The following HSD3B7 variants were observed in gnomAD, a reference collection of about 807,000 sequenced individuals.
HSD3B7 encodes hydroxy-delta-5-steroid dehydrogenase, 3 beta- and steroid delta-isomerase 7, also known as 3 beta-hydroxysteroid dehydrogenase type 7.
Under a neutral mutation model 34.3 loss-of-function variants are expected in HSD3B7, and 35 were observed. The ratio of observed to expected loss-of-function variants is 1.02; its 90% CI spans 0.78 to 1.35. HSD3B7 has a LOEUF of 1.35. Ranked by LOEUF, HSD3B7 falls within the 40% of genes most tolerant of loss-of-function variation. HSD3B7 has a pLI of 0.00. For synonymous variants in HSD3B7, 217 were observed against 220.1 expected, an observed-to-expected ratio of 0.99 and a Z score of 0.13; for missense variants, 426 against 504.7, an observed-to-expected ratio of 0.84 and a Z score of 1.49.
Position 30,988,359 on chromosome 16 carries a change from G to T in HSD3B7, c.*176G>T. ...TTTTCTTTTTCTTTTTTGAGACAGG[G>T]TCTTGCTCTGTCACCCAGACTGGAG... On this transcript the variant is annotated 3_prime_UTR_variant, in exon 7 of 7. Transcript: ENST00000297679. 6.4e-6 allele frequency: 4 copies of T among 629,442 alleles called. No individual in the cohort carries two copies. Among genetic ancestry groups the T allele is most frequent in the Non-Finnish European group, 1.1e-5 (4 of 364,754 alleles). 39.0% of individuals were successfully genotyped at this position (629,442 alleles called of 1,614,324 possible).
At chr16:30,987,450 A>T in intron 6 of HSD3B7, 1 of 454,238 alleles carries the variant, frequency 2.2e-6, no homozygotes, top group Non-Finnish European at 4.1e-6. Flanking sequence ...CTGTCTCTAA[A>T]ACTTTTTTTA....
Position 30,986,935 on chromosome 16 carries a change from C to T in HSD3B7, c.627C>T (p.Gly209=). ...TCATGAGGGACTTCTACCGCCAGGG[C>T]CTGCGCCTGGGAGGTTGGCTCTTCC... ...HQIMRDFYRQ[G]LRLGGWLFRA... is the part of the protein sequence containing the mutation. Residue 209 remains glycine, a synonymous_variant, in exon 6 of 7, where the codon GGC becomes GGT. Coordinates refer to ENST00000297679, the MANE Select transcript of HSD3B7 (RefSeq NM_025193.4). The T allele has an allele frequency of 1.2e-6, 2 of 1,613,740 alleles. No homozygotes were observed. The highest frequency in any genetic ancestry group is 1.7e-6 in the Non-Finnish European group (2 of 1,179,980).
chr16:30,987,634 C>T, intron 6 of HSD3B7, 134 bp from the exon 7 acceptor site: 2 of 1,023,296 alleles, frequency 2.0e-6, no homozygotes, highest in South Asian at 1.3e-5. Flanking sequence ...GAGAAGGCAG[C>T]CTTTCCCAGG....
chr16:30,985,860 G>A, intron 2 of HSD3B7, 36 bp downstream of exon 2: 2 of 1,587,432 alleles, frequency 1.3e-6, no homozygotes, highest in African/African-American at 1.3e-5. Context: ...GAGAGGGTGT[G>A]GACGCTTCCC....
Position 30,988,175 on chromosome 16 carries a change from G to T in HSD3B7, c.1102G>T (p.Ala368Ser), listed in dbSNP as rs368619380. The T allele has an allele frequency of 1.9e-6, 3 of 1,597,016 alleles. No homozygotes were observed. Among genetic ancestry groups the T allele is most frequent in the Non-Finnish European group, 2.6e-6 (3 of 1,176,084 alleles). The stretch of plus-strand genomic sequence containing the variant: ...CTGGGTACAGGCCGCTACGGGTTCA[G>T]CCCAGTGACGGTGGGGCTGGGGCCT... ...ILWVQAATGS[A>S]Q Residue 368 changes from alanine (A) to serine (S), a missense_variant, in exon 7 of 7, where the codon GCC becomes TCC. Coordinates refer to ENST00000297679, the MANE Select transcript of HSD3B7 (RefSeq NM_025193.4).
At chr16:30,986,803 G>T (rs367851050) in intron 5 of HSD3B7, 37 bp from the exon 6 acceptor site, 2 of 1,613,740 alleles carry the variant, frequency 1.2e-6, no homozygotes, top group Non-Finnish European at 1.7e-6. Context: ...CAAGCTGTCG[G>T]GTCCCAGGTC....
Position 30,986,546 on chromosome 16 carries a change from C to T in HSD3B7, c.431+15C>T. 1 of 1,613,048 alleles carries T rather than the reference C, an allele frequency of 6.2e-7. No homozygotes were observed. Among genetic ancestry groups the T allele is most frequent in the Non-Finnish European group, 8.5e-7 (1 of 1,178,984 alleles). ...CCCTTCTACAGGTGAGTGGCAGGCC[C>T]TCTTGTCCTCTAAGAGCCCATTTCC... On this transcript the variant is annotated intron_variant, in intron 4 of 6. Transcript: ENST00000297679.
Position 30,986,473 on chromosome 16 carries a change from G to A in HSD3B7, c.373G>A (p.Val125Ile). Residue 125 changes from valine (V) to isoleucine (I), a missense_variant, in exon 4 of 7, where the codon GTC becomes ATC. Transcript: ENST00000297679. Reference sequence around the variant, plus strand: ...TGTGCAGACCGGAACACGGTTCCTGGTCTACACCAGCAGCATGGAAGTTGT... The same window carrying A: ...TGTGCAGACCGGAACACGGTTCCTGATCTACACCAGCAGCATGGAAGTTGT... The part of the protein sequence containing the change: ...ACVQTGTRFL[V>I]YTSSMEVVGP... 1 of 1,614,118 alleles carries A rather than the reference G, an allele frequency of 6.2e-7. No individual in the cohort carries two copies. Among genetic ancestry groups the A allele is most frequent in the East Asian group, 2.2e-5 (1 of 44,884 alleles).
At chr16:30,987,733 C>T in intron 6 of HSD3B7, 35 bp from the exon 7 acceptor site, 2 of 1,605,174 alleles carry the variant, frequency 1.2e-6, no homozygotes, top group South Asian at 1.1e-5. Flanking sequence ...CAAGGGCACT[C>T]AGGGGTGTGT....
chr16:30,986,844 G>GT lies in HSD3B7; in HGVS notation c.537dup (p.Gly180TrpfsTer18). The GT allele has an allele frequency of 1.2e-6, 2 of 1,614,010 alleles. No homozygotes were observed. Among genetic ancestry groups the GT allele is most frequent in the Non-Finnish European group, 1.7e-6 (2 of 1,180,044 alleles). On this transcript the variant is annotated frameshift_variant, in exon 6 of 7. Transcript: ENST00000297679. LOFTEE classifies it high-confidence loss of function. ...AGTACCTGCCTTTGCCACCAGGTCCGTGGGGGGCTGCCCCTGGTGACGTGT... is the reference window on the plus strand; with the variant it reads ...AGTACCTGCCTTTGCCACCAGGTCCGTTGGGGGGCTGCCCCTGGTGACGTGT...
Position 30,986,664 on chromosome 16 carries a change from C to G in HSD3B7, c.491C>G (p.Ala164Gly). 6.2e-7 allele frequency: 1 copy of G among 1,614,206 alleles called. No homozygotes were observed. Among genetic ancestry groups the G allele is most frequent in the Non-Finnish European group, 8.5e-7 (1 of 1,180,038 alleles). Residue 164 changes from alanine to glycine, a missense_variant, in exon 5 of 7, where the codon GCC (alanine) becomes GGC (glycine). Physicochemically the swap from Ala to Gly is moderately conservative, Grantham distance 60. Coordinates refer to ENST00000297679, the MANE Select transcript of HSD3B7 (RefSeq NM_025193.4). ...AGGCACCCCTATCCTTGCAGCAAGG[C>G]CCTGGCCGAGTGGCTGGTCCTGGAG... ...VHRHPYPCSKALAEWLVLEAN... is the reference protein window; with the variant it reads ...VHRHPYPCSKGLAEWLVLEAN...
At chr16:30,985,945 C>G (rs776155947) in intron 2 of HSD3B7, 104 bp from the exon 3 acceptor site, 2 of 1,574,376 alleles carry the variant, frequency 1.3e-6, no homozygotes, top group Non-Finnish European at 8.7e-7. Context: ...ATGGATGGGT[C>G]GAGTGAGTCA....
rs943003201 is a variant in HSD3B7, at chr16:30,988,958, C to T, written c.*775C>T. On this transcript the variant is annotated 3_prime_UTR_variant, in exon 7 of 7. Transcript: ENST00000297679. ...AGTCCCTCTTTGGGAGGTGATGTTCCCATTGTTTTTCAAAGGCCTCACCTT... is the reference window on the plus strand; with the variant it reads ...AGTCCCTCTTTGGGAGGTGATGTTCTCATTGTTTTTCAAAGGCCTCACCTT... 6.6e-6 allele frequency: 1 copy of T among 152,260 alleles called. No individual in the cohort carries two copies. Among genetic ancestry groups the T allele is most frequent in the African/African-American group, 2.4e-5 (1 of 41,448 alleles). The allele number at this position is 152,260 out of a possible 1,614,324, so 9.4% of individuals were successfully genotyped here.
At position 30,985,234 on chromosome 16, in the gene HSD3B7, A is replaced by G; in HGVS notation, c.-70A>G. 9.1e-7 allele frequency: 1 copy of G among 1,101,290 alleles called. No individual in the cohort carries two copies. The highest frequency in any genetic ancestry group is 7.7e-5 in the East Asian group (1 of 12,942). 68.2% of individuals were successfully genotyped at this position (1,101,290 alleles called of 1,614,324 possible). A position where few individuals can be genotyped will look rare whatever the true frequency, so the allele number is the denominator to read the frequency against. ...CGGAAGGACGGTGTGCGGGCCGGCC[A>G]GCCCTGGACGAAAGAAGAGGGCCCC... On this transcript the variant is annotated 5_prime_UTR_variant, in exon 1 of 7. Transcript: ENST00000297679.
Position 30,986,221 on chromosome 16 carries a change from A to C in HSD3B7, c.322+17A>C, listed in dbSNP as rs181329602. On this transcript the variant is annotated intron_variant, in intron 3 of 6. Transcript: ENST00000297679. ...ACGTGCAGGGTGAGGAGCTCTGGAC[A>C]CTCCTGGCCATCTTGCCTGTTTGTT... The C allele has an allele frequency of 7.3e-5, 117 of 1,611,764 alleles. No homozygotes were observed. In the Middle Eastern group the frequency reaches 8.2e-4, roughly 11 times the overall value.
At position 30,985,816 on chromosome 16, in the gene HSD3B7, T is replaced by G. The variant is rs1198335365; in HGVS notation, c.158T>G (p.Leu53Arg). The G allele has an allele frequency of 6.9e-6, 11 of 1,600,444 alleles. No individual in the cohort carries two copies. The highest frequency in any genetic ancestry group is 7.7e-6 in the Non-Finnish European group (9 of 1,174,766). Residue 53 changes from leucine to arginine, a missense_variant, in exon 2 of 7, where the codon CTG becomes CGG. By Grantham distance (102) the Leu-to-Arg change is moderately radical. Transcript: ENST00000297679. ...DQHLGPWLEE[L>R]KTGPVRVTAI... Reference sequence around the variant, plus strand: ...CACCTGGGTCCCTGGCTGGAGGAGCTGAAGACAGGTTCTTGTTGGGGGAGC... The same window carrying G: ...CACCTGGGTCCCTGGCTGGAGGAGCGGAAGACAGGTTCTTGTTGGGGGAGC...
rs534165901 is a variant in HSD3B7 at position 30,986,236 on chromosome 16, G to C, written c.322+32G>C. On this transcript the variant is annotated intron_variant, in intron 3 of 6. Transcript: ENST00000297679. ...AGCTCTGGACACTCCTGGCCATCTTGCCTGTTTGTTCCCCACTCTGTCTTT... is the reference window on the plus strand; with the variant it reads ...AGCTCTGGACACTCCTGGCCATCTTCCCTGTTTGTTCCCCACTCTGTCTTT... 3.1e-6 allele frequency: 5 copies of C among 1,608,772 alleles called. No homozygotes were observed. The East Asian group carries it at 1.1e-4, about 36-fold the overall frequency.
chr16:30,986,171 A>G lies in HSD3B7; in HGVS notation c.289A>G (p.Ser97Gly). 2 of 1,614,080 alleles carry G rather than the reference A, an allele frequency of 1.2e-6. No individual in the cohort carries two copies. The highest frequency in any genetic ancestry group is 1.7e-6 in the Non-Finnish European group (2 of 1,180,010). ...GCTGGTAGACGTGTTTGGCAGGGCC[A>G]GTCCCAAGACCATCCATGAGGTCAA... Reference protein sequence around the residue: ...AGLVDVFGRASPKTIHEVNVQ... With the variant: ...AGLVDVFGRAGPKTIHEVNVQ... Residue 97 changes from serine (S) to glycine (G), a missense_variant, in exon 3 of 7, where the codon AGT (serine) becomes GGT (glycine). Physicochemically the swap from Ser to Gly is moderately conservative, Grantham distance 56. Coordinates refer to ENST00000297679, the MANE Select transcript of HSD3B7 (RefSeq NM_025193.4).
At chr16:30,987,515 C>T (rs769579343) in intron 6 of HSD3B7, 5 of 582,088 alleles carry the variant, frequency 8.6e-6, no homozygotes, top group Non-Finnish European at 1.5e-5. Context: ...ATCCTGCAGT[C>T]CCCAAGCCTC....
Sources: allele counts gnomAD v4.1 joint callset, GRCh38; gene constraint gnomAD v4.1.1; transcripts MANE v1.5; gene names NCBI Gene and HGNC (gene_info 2026-07-23, HGNC 2026-07-21).